Variants in MFSD6 observed in about 807,000 individuals in gnomAD.
MFSD6 encodes major facilitator superfamily domain-containing protein 6.
A neutral mutation model predicts 56.3 loss-of-function variants in MFSD6; 26 were observed. The ratio of observed to expected loss-of-function variants is 0.46; its 90% CI spans 0.34 to 0.64. MFSD6 has a LOEUF of 0.64. MFSD6 is among the 30% of genes least tolerant of loss of function. The probability of loss-of-function intolerance (pLI) is 0.01; values close to 1 mark genes in which losing one functional copy is unlikely to be tolerated. For synonymous variants in MFSD6, 331 were observed against 366.9 expected (o/e 0.90, Z 1.12); for missense variants, 750 against 986.2 (o/e 0.76, Z 3.21).
rs1689828660 is a variant in MFSD6 at position 190,498,384 on chromosome 2, TAA to T, written c.2172+666_2172+667del. ...ATGATAATCACTCCCTTTTATTTGATAAGTCACGTCAGCTTTGTCTGGAGTAG... is the reference window on the plus strand; with the variant it reads ...ATGATAATCACTCCCTTTTATTTGATGTCACGTCAGCTTTGTCTGGAGTAG... On this transcript the variant is annotated intron_variant, in intron 7 of 7. Coordinates refer to ENST00000392328, the MANE Select transcript of MFSD6 (RefSeq NM_017694.4). This position sits in a 1 kb window ranked among gnomAD's most constrained non-coding sequence, Gnocchi z 5.9. Among the ~76,000 whole-genome samples the T allele has an allele frequency of 6.6e-6, 1 of 152,194 alleles. No individual in the cohort carries two copies. Among genetic ancestry groups the T allele is most frequent in the African/African-American group, 2.4e-5 (1 of 41,462 alleles).
At position 190,491,441 on chromosome 2, in the gene MFSD6, C is replaced by T. The variant is rs1387552725; in HGVS notation, c.1891+1575C>T. On this transcript the variant is annotated intron_variant, in intron 6 of 7. Coordinates refer to ENST00000392328, the MANE Select transcript of MFSD6 (RefSeq NM_017694.4). The surrounding 1 kb of genome is among the most constrained non-coding windows in gnomAD (Gnocchi z 4.2). Reference sequence around the variant, plus strand: ...CCTGAGAGACAGGCCAAATATTGGGCTGGTATCCAGCTGAGAGACCTAAAG... The same window carrying T: ...CCTGAGAGACAGGCCAAATATTGGGTTGGTATCCAGCTGAGAGACCTAAAG... Among the ~76,000 whole-genome samples the T allele has an allele frequency of 6.6e-6, 1 of 152,162 alleles. No individual in the cohort carries two copies. Among genetic ancestry groups the T allele is most frequent in the South Asian group, 2.1e-4 (1 of 4,826 alleles).
At chr2:190,473,807 A>G (rs1336784120) in intron 4 of MFSD6, among the ~76,000 whole-genome samples, 1 of 152,186 alleles carries the variant, frequency 6.6e-6, no homozygotes, top group Non-Finnish European at 1.5e-5. Flanking sequence ...TTGACCACAT[A>G]GTTGGAAGTA....
In MFSD6 at chr2:190,424,370, T is replaced by C. The variant is rs1685725846; in HGVS notation, c.-54+8957T>C. 1.3e-5 allele frequency among the ~76,000 whole-genome samples: 2 copies of C among 152,106 alleles called. No individual in the cohort carries two copies. The highest frequency in any genetic ancestry group is 2.9e-5 in the Non-Finnish European group (2 of 68,016). Reference sequence around the variant, plus strand: ...TTTTTTTTCAGACAGAGTTTCACTCTTATTGCCCAGGCTGGAGTGCAATGG... The same window carrying C: ...TTTTTTTTCAGACAGAGTTTCACTCCTATTGCCCAGGCTGGAGTGCAATGG... On this transcript the variant is annotated intron_variant, in intron 2 of 7. Transcript: ENST00000392328. The surrounding 1 kb of genome is among the most constrained non-coding windows in gnomAD (Gnocchi z 5.9).
intron 4 of MFSD6, among the ~76,000 whole-genome samples, chr2:190,470,248 A>G (rs1183669646): frequency 1.3e-5 from 2 of 152,244 alleles, no homozygotes; most frequent in Non-Finnish European, 2.9e-5. Flanking sequence ...GATTGTTGTC[A>G]TAATTATTTT....
Position 190,438,105 on chromosome 2 carries a change from A to AT in MFSD6, c.1532+552dup, listed in dbSNP as rs1010828078. Among the ~76,000 whole-genome samples, 28 of 151,778 alleles carry AT rather than the reference A, an allele frequency of 1.8e-4. No individual in the cohort carries two copies. The highest frequency in any genetic ancestry group is 3.4e-3 in the Middle Eastern group (1 of 294). On this transcript the variant is annotated intron_variant, in intron 3 of 7. Transcript: ENST00000392328. The surrounding 1 kb of genome is among the most constrained non-coding windows in gnomAD (Gnocchi z 5.2). ...TATTACATGGATGAGGTTCTTAAGT[A>AT]TTTTTTTTGGGTTATTACATGACTC...
In MFSD6 at chr2:190,431,651, A is replaced by C. The variant is rs1303615192; in HGVS notation, c.-53-4326A>C. Among the ~76,000 whole-genome samples, 1 of 152,198 alleles carries C rather than the reference A, an allele frequency of 6.6e-6. No homozygotes were observed. The highest frequency in any genetic ancestry group is 1.5e-5 in the Non-Finnish European group (1 of 68,030). Reference sequence around the variant, plus strand: ...GGAGGTTGCAGTGAGCCGAGATGGCAGCAGTACAGTCCAGCTTCGGCTCAG... The same window carrying C: ...GGAGGTTGCAGTGAGCCGAGATGGCCGCAGTACAGTCCAGCTTCGGCTCAG... On this transcript the variant is annotated intron_variant, in intron 2 of 7. Coordinates refer to ENST00000392328, the MANE Select transcript of MFSD6 (RefSeq NM_017694.4). The surrounding 1 kb of genome is among the most constrained non-coding windows in gnomAD (Gnocchi z 4.4).
intron 3 of MFSD6, among the ~76,000 whole-genome samples, chr2:190,448,846 C>CT (rs1185238191): frequency 6.6e-6 from 1 of 152,038 alleles, no homozygotes; most frequent in Non-Finnish European, 1.5e-5. Flanking sequence ...CAGTCTCTAC[C>CT]TTTTTTTGGT....
chr2:190,428,411 C>T (rs1176661968), intron 2 of MFSD6, among the ~76,000 whole-genome samples: 2 of 152,108 alleles, frequency 1.3e-5, no homozygotes, highest in African/African-American at 4.8e-5. Context: ...ATTTACAGTC[C>T]CACCAGCAAT....
In MFSD6 at chr2:190,455,000, A is replaced by ATGTATATGTATATGTATATGTATATGTAT. The variant is rs1553519571; in HGVS notation, c.1533-14758_1533-14757insTGTATATGTATATGTATATGTATATGTAT. Among the ~76,000 whole-genome samples, 38 of 46,604 alleles carry ATGTATATGTATATGTATATGTATATGTAT rather than the reference A, an allele frequency of 8.2e-4. No homozygotes were observed. The highest frequency in any genetic ancestry group is 1.5e-3 in the East Asian group (2 of 1,314). The allele number at this position is 46,604 out of a possible 152,430, so 30.6% of individuals were successfully genotyped here. ...TATGTATATGTATATGTATATGTAT[A>ATGTATATGTATATGTATATGTATATGTAT]ATGTATATGTATATGTATATGTGTG... On this transcript the variant is annotated intron_variant, in intron 3 of 7. Transcript: ENST00000392328. This position sits in a 1 kb window ranked among gnomAD's most constrained non-coding sequence, Gnocchi z 4.6.
intron 3 of MFSD6, among the ~76,000 whole-genome samples, chr2:190,453,330 G>A (rs1406083976): frequency 2.0e-5 from 3 of 152,066 alleles, no homozygotes; most frequent in African/African-American, 7.2e-5. Context: ...TGGAACTTGT[G>A]GAATTTCTAT....
At chr2:190,455,401 CCTT>C in intron 3 of MFSD6, among the ~76,000 whole-genome samples, 1 of 152,150 alleles carries the variant, frequency 6.6e-6, no homozygotes, top group African/African-American at 2.4e-5. Context: ...AAAGAAAGCA[CCTT>C]CTAAATTTCC....
intron 3 of MFSD6, among the ~76,000 whole-genome samples, chr2:190,445,608 A>G (rs886755018): frequency 3.9e-5 from 6 of 152,180 alleles, no homozygotes; most frequent in Non-Finnish European, 7.3e-5. Context: ...AGGATGGCAT[A>G]TAACTACTAC....
intron 4 of MFSD6, among the ~76,000 whole-genome samples, chr2:190,479,617 C>A (rs771400072): frequency 6.6e-6 from 1 of 152,130 alleles, no homozygotes. Context: ...GGTTGCAAAT[C>A]CTTGCAAAAC....
Position 190,423,094 on chromosome 2 carries a change from A to C in MFSD6, c.-54+7681A>C, listed in dbSNP as rs1208169873. On this transcript the variant is annotated intron_variant, in intron 2 of 7. Transcript: ENST00000392328. The surrounding 1 kb of genome is among the most constrained non-coding windows in gnomAD (Gnocchi z 4.3). ...TATTTTGAGATCATTGTGGATTCAC[A>C]TGTAGTTGTTAGAAATAATAGAGCA... 6.6e-6 allele frequency among the ~76,000 whole-genome samples: 1 copy of C among 152,208 alleles called. No homozygotes were observed. Among genetic ancestry groups the C allele is most frequent in the African/African-American group, 2.4e-5 (1 of 41,450 alleles).
chr2:190,491,421 G>A lies in MFSD6; in HGVS notation c.1891+1555G>A, dbSNP rs1050395911. 7.9e-5 allele frequency among the ~76,000 whole-genome samples: 12 copies of A among 152,170 alleles called. No homozygotes were observed. Among genetic ancestry groups the A allele is most frequent in the Non-Finnish European group, 1.6e-4 (11 of 68,034 alleles). On this transcript the variant is annotated intron_variant, in intron 6 of 7. Coordinates refer to ENST00000392328, the MANE Select transcript of MFSD6 (RefSeq NM_017694.4). The surrounding 1 kb of genome is among the most constrained non-coding windows in gnomAD (Gnocchi z 4.2). ...AGCATATTGCTCCTGGAGGACCTGA[G>A]AGACAGGCCAAATATTGGGCTGGTA...
rs1366784987 is a variant in MFSD6, at chr2:190,501,348, A to G, written c.*1130A>G. 1 of 152,236 alleles carries G rather than the reference A, an allele frequency of 6.6e-6. No homozygotes were observed. The highest frequency in any genetic ancestry group is 1.5e-5 in the Non-Finnish European group (1 of 68,044). The allele number at this position is 152,236 out of a possible 1,614,324, so 9.4% of individuals were successfully genotyped here. A position where few individuals can be genotyped will look rare whatever the true frequency, so the allele number is the denominator to read the frequency against. ...AGAAAATCTCAGTATATTCGTTCTC[A>G]TGAAGACACAGTCAGACACTGGACA... On this transcript the variant is annotated 3_prime_UTR_variant, in exon 8 of 8. Transcript: ENST00000392328.
intron 3 of MFSD6, among the ~76,000 whole-genome samples, chr2:190,455,934 CTTTTTTTT>C (rs34054506): frequency 7.6e-4 from 50 of 65,394 alleles, no homozygotes; most frequent in African/African-American, 3.0e-3. Flanking sequence ...ATTTACTCTG[CTTTTTTTT>C]TTTTTTTTTT....
At chr2:190,478,074 A>G (rs1216605036) in intron 4 of MFSD6, among the ~76,000 whole-genome samples, 2 of 152,334 alleles carry the variant, frequency 1.3e-5, no homozygotes, top group East Asian at 1.9e-4. Context: ...ACATGTTTTT[A>G]TAATACTTGT....
At chr2:190,444,685 C>T (rs1383191547) in intron 3 of MFSD6, 1 of 153,444 alleles carries the variant, frequency 6.5e-6, no homozygotes, top group Non-Finnish European at 1.4e-5. Context: ...CACACTGTAA[C>T]TCCTGAAATT....
Sources: gnomAD v4.1 joint callset for allele counts (sites outside exome capture counted in the v4.1 genomes callset) on GRCh38, gnomAD v4.1.1 for gene constraint, Gnocchi (gnomAD v3.1) non-coding constraint, MANE v1.5 for transcripts, NCBI Gene and HGNC (gene_info 2026-07-23, HGNC 2026-07-21) for gene names.